KCNIP4: variants seen among roughly 807,000 people sequenced by gnomAD.
The protein encoded by KCNIP4 is Kv channel-interacting protein 4.
A neutral mutation model predicts 34.0 loss-of-function variants in KCNIP4; 12 were observed. The observed-to-expected ratio is 0.35, with a 90% confidence interval of 0.23 to 0.57. The LOEUF (loss-of-function observed/expected upper bound fraction) is 0.57. Among genes scored for constraint, KCNIP4 ranks in the 20% least tolerant of loss-of-function variants. KCNIP4 has a pLI of 0.83. For missense variants in KCNIP4, 238 were observed against 311.7 expected (o/e 0.76, Z 1.78); for synonymous variants, 124 against 102.2 (o/e 1.21, Z -1.29).
At chr4:21,628,157 G>A (rs983824172) in intron 1 of KCNIP4, among the ~76,000 whole-genome samples, 1 of 151,964 alleles carries the variant, frequency 6.6e-6, no homozygotes, top group Non-Finnish European at 1.5e-5. Context: ...GTTCTTTTGT[G>A]CTTTTTTAGA....
At chr4:21,863,316 T>G (rs1324868854) in intron 1 of KCNIP4, among the ~76,000 whole-genome samples, 12 of 146,858 alleles carry the variant, frequency 8.2e-5, no homozygotes, top group Admixed American at 7.3e-4. Flanking sequence ...CAGATAGAAA[T>G]AGACAGAAAA....
At chr4:20,762,878 C>A (rs1448440821) in intron 3 of KCNIP4, among the ~76,000 whole-genome samples, 1 of 152,226 alleles carries the variant, frequency 6.6e-6, no homozygotes, top group East Asian at 1.9e-4. Context: ...AGGTCAGCAT[C>A]CCTGGGAAGG....
intron 3 of KCNIP4, among the ~76,000 whole-genome samples, chr4:20,805,382 T>C (rs1578662234): frequency 1.3e-5 from 2 of 152,084 alleles, no homozygotes; most frequent in East Asian, 3.9e-4. Flanking sequence ...TCTTCTTCTA[T>C]TGACTAAATT....
At chr4:21,727,477 A>G (rs1715280023) in intron 1 of KCNIP4, among the ~76,000 whole-genome samples, 1 of 152,152 alleles carries the variant, frequency 6.6e-6, no homozygotes, top group Non-Finnish European at 1.5e-5. Flanking sequence ...AATTTATCCA[A>G]TCTGTGTTGT....
intron 1 of KCNIP4, among the ~76,000 whole-genome samples, chr4:21,515,349 GA>G (rs1297142954): frequency 6.6e-6 from 1 of 152,104 alleles, no homozygotes; most frequent in African/African-American, 2.4e-5. Flanking sequence ...TAAGAAGTAG[GA>G]ACTTTAGGCT....
At chr4:20,770,420 C>A (rs1399684623) in intron 3 of KCNIP4, among the ~76,000 whole-genome samples, 9 of 151,116 alleles carry the variant, frequency 6.0e-5, no homozygotes, top group African/African-American at 2.2e-4. Context: ...TTAGATTTTA[C>A]TAATTGATTA....
In KCNIP4 at chr4:20,921,030, G is replaced by A. The variant is rs143455194; in HGVS notation, c.62-38321C>T. Among the ~76,000 whole-genome samples the A allele has an allele frequency of 1.5e-3, 226 of 152,062 alleles. 5 individuals are homozygous for A. In the East Asian group the frequency reaches 0.026, roughly 18 times the overall value. On this transcript the variant is annotated intron_variant, in intron 1 of 8. Transcript: ENST00000382152. The stretch of plus-strand genomic sequence containing the variant: ...AATAAAAAAGATAAGCTTTGCCACA[G>A]GATAGAGGAGGAATTTGAGTCAAAA...
chr4:20,749,454 C>T (rs1053597859), intron 5 of KCNIP4, among the ~76,000 whole-genome samples: 3 of 151,988 alleles, frequency 2.0e-5, no homozygotes, highest in Non-Finnish European at 4.4e-5. Context: ...TTGTATGAGC[C>T]GATATAAAGC....
At chr4:21,838,534 C>T (rs1723482921) in intron 1 of KCNIP4, among the ~76,000 whole-genome samples, 1 of 152,184 alleles carries the variant, frequency 6.6e-6, no homozygotes, top group African/African-American at 2.4e-5. Flanking sequence ...ATTCTGGTTA[C>T]CCGTTGGTCT....
intron 1 of KCNIP4, among the ~76,000 whole-genome samples, chr4:20,955,933 G>A (rs1047519647): frequency 6.6e-6 from 1 of 152,152 alleles, no homozygotes; most frequent in Non-Finnish European, 1.5e-5. Flanking sequence ...AATAAAGAAG[G>A]TAAATGGCAA....
chr4:20,926,392 A>G (rs1729901049), intron 1 of KCNIP4, among the ~76,000 whole-genome samples: 1 of 152,248 alleles, frequency 6.6e-6, no homozygotes. Flanking sequence ...ATTGGACAAT[A>G]GATTAACTAT....
In KCNIP4 at chr4:20,997,593, G is replaced by A. The variant is rs188339089; in HGVS notation, c.62-114884C>T. ...GAAGGGCTGGGAAAGAGGACGCTGT[G>A]AATGACCTGCAGCAGGAACTTGCTG... On this transcript the variant is annotated intron_variant, in intron 1 of 8. Coordinates refer to ENST00000382152, the MANE Select transcript of KCNIP4 (RefSeq NM_025221.6). Among the ~76,000 whole-genome samples, 3 of 152,260 alleles carry A rather than the reference G, an allele frequency of 2.0e-5. No homozygotes were observed. The East Asian group carries it at 5.8e-4, about 29-fold the overall frequency.
intron 1 of KCNIP4, among the ~76,000 whole-genome samples, chr4:21,007,109 T>A (rs187724582): frequency 0.01 from 1,525 of 152,182 alleles, 18 homozygotes; most frequent in African/African-American, 0.035. Flanking sequence ...TTTAAAACTT[T>A]AAAAAAATAC....
chr4:21,650,557 C>A (rs1747408806), intron 1 of KCNIP4, among the ~76,000 whole-genome samples: 2 of 152,136 alleles, frequency 1.3e-5, no homozygotes, highest in South Asian at 4.1e-4. Flanking sequence ...TTCTGCATAT[C>A]TGAGGTCAGG....
chr4:20,972,569 C>T lies in KCNIP4; in HGVS notation c.62-89860G>A, dbSNP rs558034650. On this transcript the variant is annotated intron_variant, in intron 1 of 8. Coordinates refer to ENST00000382152, the MANE Select transcript of KCNIP4 (RefSeq NM_025221.6). ...GGGTGGGTTTAAAACTTTCAGCAAA[C>T]CATGCTATAAACAGATGTGTTGTCA... Among the ~76,000 whole-genome samples, 5 of 152,248 alleles carry T rather than the reference C, an allele frequency of 3.3e-5. No homozygotes were observed. The South Asian group carries it at 1.0e-3, about 32-fold the overall frequency.
chr4:21,657,427 C>A (rs916444846), intron 1 of KCNIP4, among the ~76,000 whole-genome samples: 1 of 152,068 alleles, frequency 6.6e-6, no homozygotes, highest in African/African-American at 2.4e-5. Context: ...ACTTTTAATT[C>A]TCATTTCCTC....
At chr4:20,853,162 C>A (rs555927491) in intron 2 of KCNIP4, among the ~76,000 whole-genome samples, 1 of 152,204 alleles carries the variant, frequency 6.6e-6, no homozygotes, top group East Asian at 1.9e-4. Context: ...CAAAAAAGAG[C>A]CCGCATGGCC....
At chr4:21,641,329 T>C (rs1436748113) in intron 1 of KCNIP4, among the ~76,000 whole-genome samples, 2 of 152,222 alleles carry the variant, frequency 1.3e-5, no homozygotes, top group Non-Finnish European at 2.9e-5. Context: ...GTGCATAATA[T>C]ACAGGCACAT....
At chr4:21,835,529 C>T (rs184860) in intron 1 of KCNIP4, among the ~76,000 whole-genome samples, 115,765 of 151,610 alleles carry the variant, frequency 0.76, 47,220 homozygotes, top group East Asian at 0.89. Context: ...ATTAGGAGTG[C>T]GGAAAATGGT....
Sources: gnomAD v4.1 joint callset for allele counts (sites outside exome capture counted in the v4.1 genomes callset) on GRCh38, gnomAD v4.1.1 for gene constraint, MANE v1.5 for transcripts, NCBI Gene and HGNC (gene_info 2026-07-23, HGNC 2026-07-21) for gene names.